Variants in B3GLCT observed in about 807,000 individuals in gnomAD.
B3GLCT encodes the protein beta 3-glucosyltransferase.
A neutral mutation model predicts 63.4 loss-of-function variants in B3GLCT; 65 were observed. The ratio of observed to expected loss-of-function variants is 1.03; its 90% confidence interval spans 0.84 to 1.26. B3GLCT has a LOEUF of 1.26. Among genes scored for constraint, B3GLCT ranks in the 50% most tolerant of loss-of-function variants. The probability of loss-of-function intolerance (pLI) is 0.00; values close to 1 mark genes in which losing one functional copy is unlikely to be tolerated. For synonymous variants in B3GLCT, 233 were observed against 219.2 expected (o/e 1.06, Z -0.55); for missense variants, 577 against 604.8 (o/e 0.95, Z 0.48).
intron 11 of B3GLCT, among the ~76,000 whole-genome samples, chr13:31,285,162 A>G (rs1873258988): frequency 6.6e-6 from 1 of 152,232 alleles, no homozygotes; most frequent in African/African-American, 2.4e-5. Context: ...AGTTATATGT[A>G]GAATAAACTG....
chr13:31,233,831 A>T (rs1182577063), intron 4 of B3GLCT, among the ~76,000 whole-genome samples: 1 of 152,066 alleles, frequency 6.6e-6, no homozygotes, highest in East Asian at 1.9e-4. Context: ...TTGTTTTCAT[A>T]TCAAGGACTC....
rs567024143 is a variant in B3GLCT at position 31,319,387 on chromosome 13, G to A, written c.1184+1702G>A. Among the ~76,000 whole-genome samples the A allele has an allele frequency of 5.6e-3, 289 of 51,864 alleles. 2 individuals carry two copies. Among genetic ancestry groups the A allele is most frequent in the African/African-American group, 0.012 (277 of 23,692 alleles). The allele number at this position is 51,864 out of a possible 152,430, so 34.0% of individuals were successfully genotyped here. A position where few individuals can be genotyped will look rare whatever the true frequency, so the allele number is the denominator to read the frequency against. Reference sequence around the variant, plus strand: ...CAGCTCCATGCTCAGCCTTCTAAGAGTCATAAACTCCCAGCCTCCTAAACT... The same window carrying A: ...CAGCTCCATGCTCAGCCTTCTAAGAATCATAAACTCCCAGCCTCCTAAACT... On this transcript the variant is annotated intron_variant, in intron 13 of 14. Transcript: ENST00000343307.
chr13:31,318,613 A>G (rs1156314466), intron 13 of B3GLCT, among the ~76,000 whole-genome samples: 1 of 152,188 alleles, frequency 6.6e-6, no homozygotes, highest in African/African-American at 2.4e-5. Flanking sequence ...GTCATTAACA[A>G]CAGGAGGGGG....
Position 31,286,810 on chromosome 13 carries a change from C to T in B3GLCT, c.1055C>T (p.Thr352Ile), listed in dbSNP as rs1445700482. Residue 352 changes from threonine to isoleucine, a missense_variant, in exon 12 of 15, where the codon ACA becomes ATA. Physicochemically the swap from Thr to Ile is moderately conservative, Grantham distance 89. Coordinates refer to ENST00000343307, the MANE Select transcript of B3GLCT (RefSeq NM_194318.4). ...TGGTTAGTCATTGTGGATGATGATA[C>T]ATTAATAAGGTAAGGAGTCATTCTC... ...TAWLVIVDDD[T>I]LISISRLQHL... 14 of 1,607,004 alleles carry T rather than the reference C, an allele frequency of 8.7e-6. No homozygotes were observed. The highest frequency in any genetic ancestry group is 1.0e-5 in the Non-Finnish European group (12 of 1,173,940).
chr13:31,240,316 C>G (rs927773087), intron 4 of B3GLCT, among the ~76,000 whole-genome samples: 1 of 152,118 alleles, frequency 6.6e-6, no homozygotes, highest in African/African-American at 2.4e-5. Flanking sequence ...ACTGACACTT[C>G]TAATTTTGTA....
At chr13:31,229,051 T>C in intron 3 of B3GLCT, 134 bp from the exon 4 acceptor site, 1 of 661,462 alleles carries the variant, frequency 1.5e-6, no homozygotes, top group Non-Finnish European at 2.7e-6. Flanking sequence ...TAGAATTACA[T>C]ACGAATTGAT....
Position 31,215,077 on chromosome 13 carries a change from A to G in B3GLCT, c.97A>G (p.Lys33Glu), listed in dbSNP as rs1162849046. 2.5e-6 allele frequency: 4 copies of G among 1,611,346 alleles called. No homozygotes were observed. The change falls in exon 2 of 15, where the codon AAG (lysine) becomes GAG (glutamate). Residue 33 changes from lysine (K) to glutamate (E), a missense_variant. Transcript: ENST00000343307. ...TTTTGGTTTGGCTTCTGAAGATACA[A>G]AGAAAGAGGTCAAGCAGTCTCAGGT... ...LAFGLASEDT[K>E]KEVKQSQDLE...
At chr13:31,208,095 TTGTACTC>T (rs1019473091) in intron 1 of B3GLCT, among the ~76,000 whole-genome samples, 1 of 152,266 alleles carries the variant, frequency 6.6e-6, no homozygotes, top group African/African-American at 2.4e-5. Flanking sequence ...TCTTTGTACT[TTGTACTC>T]TGTACACAGT....
At chr13:31,276,818 C>A in intron 10 of B3GLCT, 47 bp downstream of exon 10, 1 of 1,338,960 alleles carries the variant, frequency 7.5e-7, no homozygotes, top group Non-Finnish European at 1.1e-6. Context: ...ATCCAGACTA[C>A]CTTCTAAAGA....
chr13:31,309,543 CCTTT>C (rs1357890855), intron 12 of B3GLCT, among the ~76,000 whole-genome samples: 1 of 152,180 alleles, frequency 6.6e-6, no homozygotes, highest in African/African-American at 2.4e-5. Flanking sequence ...TCTTTGGGTT[CCTTT>C]AATTTGCTGG....
chr13:31,313,720 A>G (rs1874843765), intron 12 of B3GLCT, among the ~76,000 whole-genome samples: 1 of 152,204 alleles, frequency 6.6e-6, no homozygotes, highest in African/African-American at 2.4e-5. Flanking sequence ...CCGGCTGCAG[A>G]AATTTGTGTA....
intron 1 of B3GLCT, among the ~76,000 whole-genome samples, chr13:31,207,021 A>G (rs116164961): frequency 6.6e-6 from 1 of 152,300 alleles, no homozygotes; most frequent in African/African-American, 2.4e-5. Context: ...TGGGCAATAT[A>G]CAAATAAGTT....
At chr13:31,276,921 C>T (rs1253833873) in intron 10 of B3GLCT, 150 bp downstream of exon 10, 6 of 677,108 alleles carry the variant, frequency 8.9e-6, no homozygotes, top group African/African-American at 5.4e-5. Context: ...CAATACTCCT[C>T]ATTGCACCAT....
At chr13:31,234,503 A>G (rs565387712) in intron 4 of B3GLCT, among the ~76,000 whole-genome samples, 3 of 152,236 alleles carry the variant, frequency 2.0e-5, no homozygotes, top group Middle Eastern at 3.4e-3. Context: ...AGCTAGGTTG[A>G]GGCTGAGGTG....
At chr13:31,243,081 A>G (rs1260431062) in intron 4 of B3GLCT, among the ~76,000 whole-genome samples, 1 of 152,238 alleles carries the variant, frequency 6.6e-6, no homozygotes, top group African/African-American at 2.4e-5. Flanking sequence ...AATTTTCACC[A>G]TAATTTATTT....
chr13:31,264,712 G>A (rs1268703136), intron 7 of B3GLCT, among the ~76,000 whole-genome samples: 1 of 152,166 alleles, frequency 6.6e-6, no homozygotes, highest in Admixed American at 6.5e-5. Flanking sequence ...CTAAAGGAAG[G>A]ATAAAGTATT....
intron 2 of B3GLCT, among the ~76,000 whole-genome samples, chr13:31,222,403 C>A (rs1171686579): frequency 6.6e-6 from 1 of 152,142 alleles, no homozygotes; most frequent in Non-Finnish European, 1.5e-5. Context: ...TGGTGACCAC[C>A]ATAGGCTGGC....
intron 12 of B3GLCT, among the ~76,000 whole-genome samples, chr13:31,315,101 AG>A (rs1874929295): frequency 1.3e-5 from 2 of 152,194 alleles, no homozygotes; most frequent in Non-Finnish European, 1.5e-5. Context: ...CCCAGTCTTG[AG>A]TATGCCTTTA....
chr13:31,247,156 GC>G (rs1555248305), intron 5 of B3GLCT, 57 bp downstream of exon 5: 1 of 1,342,512 alleles, frequency 7.4e-7, no homozygotes, highest in Non-Finnish European at 1.1e-6. Context: ...ACACTTTTAC[GC>G]CCTTAGTCTT....
Sources: allele counts gnomAD v4.1 joint callset (sites outside exome capture counted in the v4.1 genomes callset), GRCh38; gene constraint gnomAD v4.1.1; transcripts MANE v1.5; gene names NCBI Gene and HGNC (gene_info 2026-07-23, HGNC 2026-07-21).